The following NEMP1 variants were observed in gnomAD, a reference collection of about 807,000 sequenced individuals.
NEMP1 encodes the protein transmembrane protein 194.
NEMP1 carries 29 observed loss-of-function variants against 53.7 expected under a neutral mutation model. The observed-to-expected ratio is 0.54, with a 90% CI of 0.40 to 0.74. NEMP1 has a LOEUF of 0.74. Among genes scored for constraint, NEMP1 ranks in the 30% least tolerant of loss-of-function variants. The probability of loss-of-function intolerance (pLI) is 0.00; values close to 1 mark genes in which losing one functional copy is unlikely to be tolerated. For missense variants in NEMP1, 477 were observed against 528.6 expected (o/e 0.90, Z 0.96); for synonymous variants, 193 against 192.9 (o/e 1.00, Z 0.00).
At chr12:57,064,498 G>A (rs920963354) in intron 5 of NEMP1, 148 bp downstream of exon 5, 14 of 560,124 alleles carry the variant, frequency 2.5e-5, no homozygotes, top group East Asian at 9.4e-5. Flanking sequence ...AAGTTTCATC[G>A]TGGAAAGTAC....
intron 1 of NEMP1, among the ~76,000 whole-genome samples, chr12:57,086,741 T>G (rs2136534175): frequency 6.6e-6 from 1 of 152,282 alleles, no homozygotes; most frequent in South Asian, 2.1e-4. Context: ...GCTCTGGGCC[T>G]CTGGCGGGCC....
intron 3 of NEMP1, 109 bp from the exon 4 acceptor site, chr12:57,069,415 A>T (rs2032244141): frequency 1.5e-6 from 1 of 657,762 alleles, no homozygotes; most frequent in African/African-American, 1.9e-5. Flanking sequence ...AAATAAATGC[A>T]AACAGCCCAC....
Position 57,058,052 on chromosome 12 carries a change from T to C in NEMP1, c.*1827A>G, listed in dbSNP as rs1263706866. 6.6e-6 allele frequency: 1 copy of C among 152,210 alleles called. No individual in the cohort carries two copies. Among genetic ancestry groups the C allele is most frequent in the Non-Finnish European group, 1.5e-5 (1 of 68,046 alleles). 9.4% of individuals were successfully genotyped at this position (152,210 alleles called of 1,614,324 possible). A position where few individuals can be genotyped will look rare whatever the true frequency, so the allele number is the denominator to read the frequency against. The stretch of plus-strand genomic sequence containing the variant: ...TTACCATGTACATAATTCACAAGGG[T>C]ATAAAGGTTTCCCAATGTAAAGTTC... On this transcript the variant is annotated 3_prime_UTR_variant, in exon 9 of 9. Coordinates refer to ENST00000300128, the MANE Select transcript of NEMP1 (RefSeq NM_001130963.2).
rs369244296 is a variant in NEMP1 at position 57,064,058 on chromosome 12, C to T, written c.754+13G>A. ...TAAACGTACAAAAGGAAAGCAAAAC[C>T]GACAACACTTACTTAAAAGATACTG... On this transcript the variant is annotated intron_variant, in intron 6 of 8. Coordinates refer to ENST00000300128, the MANE Select transcript of NEMP1 (RefSeq NM_001130963.2). 3.9e-6 allele frequency: 6 copies of T among 1,533,064 alleles called. No homozygotes were observed. The African/African-American group carries it at 8.3e-5, about 21-fold the overall frequency. 95.0% of individuals were successfully genotyped at this position (1,533,064 alleles called of 1,614,324 possible). A position where few individuals can be genotyped will look rare whatever the true frequency, so the allele number is the denominator to read the frequency against.
rs2031652250 is a variant in NEMP1 at position 57,058,766 on chromosome 12, A to C, written c.*1113T>G. ...TGTATCAAGAAACTACATAGTTTCA[A>C]GGCTTAAAAATTACCCAGATTTGGG... On this transcript the variant is annotated 3_prime_UTR_variant, in exon 9 of 9. Coordinates refer to ENST00000300128, the MANE Select transcript of NEMP1 (RefSeq NM_001130963.2). The C allele has an allele frequency of 6.6e-6, 1 of 152,246 alleles. No homozygotes were observed. Among genetic ancestry groups the C allele is most frequent in the South Asian group, 2.1e-4 (1 of 4,834 alleles). The allele number at this position is 152,246 out of a possible 1,614,324, so 9.4% of individuals were successfully genotyped here. A position where few individuals can be genotyped will look rare whatever the true frequency, so the allele number is the denominator to read the frequency against.
intron 1 of NEMP1, among the ~76,000 whole-genome samples, chr12:57,074,971 T>A (rs774267432): frequency 6.6e-6 from 1 of 152,020 alleles, no homozygotes; most frequent in Non-Finnish European, 1.5e-5. Context: ...GCACCTGTAA[T>A]CGCAGCTTCT....
chr12:57,077,886 A>C (rs2032707701), intron 1 of NEMP1, among the ~76,000 whole-genome samples: 1 of 152,154 alleles, frequency 6.6e-6, no homozygotes, highest in Non-Finnish European at 1.5e-5. Context: ...GTTCGAGACC[A>C]CCCTGGCCAA....
intron 4 of NEMP1, among the ~76,000 whole-genome samples, chr12:57,067,670 T>TGATG (rs1247081012): frequency 1.3e-5 from 2 of 152,354 alleles, no homozygotes; most frequent in East Asian, 3.9e-4. Context: ...CTGTAGAGAC[T>TGATG]GATGCTATGT....
At chr12:57,060,129 A>G in intron 8 of NEMP1, 70 bp from the exon 9 acceptor site, 3 of 1,470,276 alleles carry the variant, frequency 2.0e-6, no homozygotes, top group Non-Finnish European at 2.8e-6. Flanking sequence ...CAAAATAAGA[A>G]CAAATTAAAG....
chr12:57,074,584 C>T (rs1592514949), intron 1 of NEMP1, among the ~76,000 whole-genome samples: 2 of 147,724 alleles, frequency 1.4e-5, no homozygotes, highest in Non-Finnish European at 3.0e-5. Context: ...GGATTACAGG[C>T]GTAAGCCACC....
upstream of NEMP1, among the ~76,000 whole-genome samples, chr12:57,082,583 G>C (rs745977663): frequency 6.6e-5 from 10 of 152,080 alleles, no homozygotes; most frequent in African/African-American, 1.9e-4. Context: ...GTGTTGGCAC[G>C]TGCCTGTAGT....
intron 4 of NEMP1, among the ~76,000 whole-genome samples, chr12:57,068,787 C>T (rs1367183723): frequency 4.6e-5 from 7 of 152,114 alleles, no homozygotes; most frequent in East Asian, 1.9e-4. Context: ...AGGATGGTCT[C>T]GATCTCCTGA....
At chr12:57,071,061 G>C (rs1477361083) in intron 2 of NEMP1, among the ~76,000 whole-genome samples, 168 bp from the exon 3 acceptor site, 1 of 152,072 alleles carries the variant, frequency 6.6e-6, no homozygotes, top group Non-Finnish European at 1.5e-5. Context: ...AACATAATTG[G>C]GCAAATAACA....
At chr12:57,070,332 G>A (rs2032286004) in intron 3 of NEMP1, among the ~76,000 whole-genome samples, 2 of 152,192 alleles carry the variant, frequency 1.3e-5, no homozygotes, top group Admixed American at 1.3e-4. Context: ...GTCTAGAAGT[G>A]TCCAGAAGGT....
At chr12:57,079,851 A>G (rs2032791328), upstream of NEMP1, among the ~76,000 whole-genome samples, 1 of 152,146 alleles carries the variant, frequency 6.6e-6, no homozygotes, top group Non-Finnish European at 1.5e-5. Flanking sequence ...GCTCAGTGTA[A>G]CCTTGAATTC....
chr12:57,080,159 T>A (rs2032801349), upstream of NEMP1, among the ~76,000 whole-genome samples: 1 of 152,172 alleles, frequency 6.6e-6, no homozygotes, highest in Non-Finnish European at 1.5e-5. Context: ...AGAGACAATA[T>A]CTTGCTATGT....
At chr12:57,077,207 C>T (rs1484672263) in intron 1 of NEMP1, among the ~76,000 whole-genome samples, 1 of 150,220 alleles carries the variant, frequency 6.7e-6, no homozygotes, top group African/African-American at 2.5e-5. Flanking sequence ...TGGTGGGCGC[C>T]TGTAGTCCCA....
At chr12:57,060,629 T>C (rs1236444794) in intron 8 of NEMP1, 143 bp downstream of exon 8, 2 of 805,086 alleles carry the variant, frequency 2.5e-6, no homozygotes, top group East Asian at 2.5e-5. Flanking sequence ...TGTGTGATTA[T>C]ATATCCACCC....
intron 1 of NEMP1, among the ~76,000 whole-genome samples, chr12:57,073,644 C>CA (rs1163684340): frequency 3.9e-5 from 6 of 151,912 alleles, no homozygotes; most frequent in South Asian, 4.2e-4. Context: ...AACTCTGTCT[C>CA]AAAAAAATAA....
Sources: gnomAD v4.1 joint callset for allele counts (sites outside exome capture counted in the v4.1 genomes callset) on GRCh38, gnomAD v4.1.1 for gene constraint, MANE v1.5 for transcripts, NCBI Gene and HGNC (gene_info 2026-07-23, HGNC 2026-07-21) for gene names.